The following EPHA6 variants were observed in gnomAD, a reference collection of about 807,000 sequenced individuals.
EPHA6 encodes the protein EPH receptor A6, also known as ephrin type-A receptor 6.
Under a neutral mutation model 112.0 loss-of-function variants are expected in EPHA6, and 50 were observed. The observed-to-expected ratio is 0.45, with a 90% confidence interval of 0.36 to 0.56. EPHA6 has a LOEUF of 0.56. Among genes scored for constraint, EPHA6 ranks in the 20% least tolerant of loss-of-function variants. The probability of loss-of-function intolerance (pLI) is 0.00; values close to 1 mark genes in which losing one functional copy is unlikely to be tolerated. For synonymous variants in EPHA6, 529 were observed against 490.7 expected (o/e 1.08, Z -1.03); for missense variants, 1,280 against 1,417.4 (o/e 0.90, Z 1.56).
chr3:96,815,463 C>T (rs1439847706), intron 1 of EPHA6, among the ~76,000 whole-genome samples: 4 of 131,914 alleles, frequency 3.0e-5, no homozygotes. Context: ...TTCCCCACCC[C>T]TCCGGTGACT....
At chr3:97,441,835 T>C (rs1285918937) in intron 6 of EPHA6, among the ~76,000 whole-genome samples, 1 of 152,146 alleles carries the variant, frequency 6.6e-6, no homozygotes, top group Non-Finnish European at 1.5e-5. Flanking sequence ...TTTTTTTAAG[T>C]TAATTCTCTC....
chr3:97,312,615 A>G (rs1576920991), intron 5 of EPHA6, among the ~76,000 whole-genome samples: 1 of 151,586 alleles, frequency 6.6e-6, no homozygotes, highest in Non-Finnish European at 1.5e-5. Flanking sequence ...TAATCAATCT[A>G]TATACATATT....
chr3:97,362,884 G>T (rs186910402), intron 5 of EPHA6, among the ~76,000 whole-genome samples: 3 of 151,704 alleles, frequency 2.0e-5, no homozygotes, highest in African/African-American at 7.2e-5. Flanking sequence ...AGTTTATTAA[G>T]TGTATTAAGT....
intron 1 of EPHA6, among the ~76,000 whole-genome samples, chr3:96,819,786 A>G (rs560814052): frequency 1.1e-4 from 17 of 152,240 alleles, no homozygotes; most frequent in African/African-American, 3.6e-4. Context: ...TTCTTGCATT[A>G]TTTTATTGAG....
intron 3 of EPHA6, among the ~76,000 whole-genome samples, chr3:97,010,805 A>G (rs1452976242): frequency 6.6e-6 from 1 of 152,186 alleles, no homozygotes; most frequent in Non-Finnish European, 1.5e-5. Context: ...CTACAGGCAC[A>G]TGCCACCATG....
At chr3:97,413,927 C>T (rs1406124473) in intron 6 of EPHA6, among the ~76,000 whole-genome samples, 3 of 151,494 alleles carry the variant, frequency 2.0e-5, no homozygotes, top group Non-Finnish European at 2.9e-5. Context: ...AAGAGTTGAC[C>T]GAGTCATATT....
At chr3:97,441,498 C>T (rs1292794573) in intron 6 of EPHA6, 1 of 854,956 alleles carries the variant, frequency 1.2e-6, no homozygotes, top group Non-Finnish European at 1.4e-6. Flanking sequence ...TTATATTTAA[C>T]CATAACACAA....
intron 3 of EPHA6, among the ~76,000 whole-genome samples, chr3:97,103,710 C>T (rs1217097358): frequency 6.6e-6 from 1 of 151,970 alleles, no homozygotes; most frequent in African/African-American, 2.4e-5. Context: ...TGATAGGAAT[C>T]GCACTGAATC....
At chr3:96,848,923 C>A (rs898957116) in intron 1 of EPHA6, among the ~76,000 whole-genome samples, 1 of 152,074 alleles carries the variant, frequency 6.6e-6, no homozygotes, top group African/African-American at 2.4e-5. Context: ...TACAAAATTA[C>A]AGTCATAGAT....
intron 5 of EPHA6, among the ~76,000 whole-genome samples, chr3:97,331,560 G>T (rs965022311): frequency 6.6e-6 from 1 of 152,162 alleles, no homozygotes; most frequent in Non-Finnish European, 1.5e-5. Flanking sequence ...TGATAAAGGG[G>T]ATATCACCAC....
chr3:97,248,012 C>T (rs1253628346), intron 5 of EPHA6, among the ~76,000 whole-genome samples: 1 of 151,474 alleles, frequency 6.6e-6, no homozygotes, highest in East Asian at 1.9e-4. Flanking sequence ...TATATTTTTT[C>T]TCATATTTAA....
At chr3:97,256,820 G>A (rs2079329982) in intron 5 of EPHA6, among the ~76,000 whole-genome samples, 1 of 151,948 alleles carries the variant, frequency 6.6e-6, no homozygotes, top group South Asian at 2.1e-4. Flanking sequence ...ATGAAATATA[G>A]TGCTGCTCCA....
At chr3:97,092,310 C>T (rs1284777775) in intron 3 of EPHA6, among the ~76,000 whole-genome samples, 12 of 151,816 alleles carry the variant, frequency 7.9e-5, no homozygotes, top group Admixed American at 2.0e-4. Context: ...AAGGTTGGAA[C>T]GAGAGTGACA....
chr3:97,188,396 A>G (rs1287422508), intron 3 of EPHA6, among the ~76,000 whole-genome samples: 5 of 152,026 alleles, frequency 3.3e-5, no homozygotes, highest in Non-Finnish European at 5.9e-5. Flanking sequence ...AGCATACTAT[A>G]TATTATTTAT....
chr3:97,143,837 G>A (rs1359777032), intron 3 of EPHA6, among the ~76,000 whole-genome samples: 1 of 151,606 alleles, frequency 6.6e-6, no homozygotes, highest in Non-Finnish European at 1.5e-5. Flanking sequence ...GGAGGAATAG[G>A]CATTGCAGTG....
chr3:96,850,627 T>A (rs1040387109), intron 1 of EPHA6, among the ~76,000 whole-genome samples: 4 of 152,146 alleles, frequency 2.6e-5, no homozygotes, highest in African/African-American at 9.7e-5. Context: ...AGTGGCAGAT[T>A]ATGAACAGAA....
At chr3:97,576,861 G>C (rs1182540620) in intron 11 of EPHA6, among the ~76,000 whole-genome samples, 1 of 152,102 alleles carries the variant, frequency 6.6e-6, no homozygotes, top group African/African-American at 2.4e-5. Flanking sequence ...AGTGTGAAAG[G>C]TACAATGAAC....
chr3:97,650,680 C>T (rs539423122), intron 14 of EPHA6, among the ~76,000 whole-genome samples: 51 of 151,612 alleles, frequency 3.4e-4, no homozygotes, highest in Non-Finnish European at 6.9e-4. Flanking sequence ...AACAAGAAGT[C>T]CTTGTTACAT....
At chr3:97,123,306 T>A (rs1330075646) in intron 3 of EPHA6, among the ~76,000 whole-genome samples, 1 of 152,128 alleles carries the variant, frequency 6.6e-6, no homozygotes, top group African/African-American at 2.4e-5. Flanking sequence ...GGTTAATTAT[T>A]CATGTATACG....
Sources: gnomAD v4.1 joint callset for allele counts (sites outside exome capture counted in the v4.1 genomes callset) on GRCh38, gnomAD v4.1.1 for gene constraint, MANE v1.5 for transcripts, NCBI Gene and HGNC (gene_info 2026-07-23, HGNC 2026-07-21) for gene names.